ZNF208: variants seen among roughly 807,000 people sequenced by gnomAD.
The protein encoded by ZNF208 is zinc finger protein 208, also known as zinc finger protein 95.
ZNF208 carries 10 observed loss-of-function variants against 12.1 expected under a neutral mutation model. The ratio of observed to expected loss-of-function variants is 0.83; its 90% CI spans 0.51 to 1.40. ZNF208 has a LOEUF of 1.40. Ranked by LOEUF, ZNF208 falls within the 40% of genes most tolerant of loss-of-function variation. The pLI is 0.00. For missense variants in ZNF208, 1,652 were observed against 1,485.0 expected (o/e 1.11, Z -1.85); for synonymous variants, 497 against 488.4 (o/e 1.02, Z -0.23).
At chr19:21,981,918 G>A (rs1414387575) in intron 3 of ZNF208, among the ~76,000 whole-genome samples, 2 of 152,008 alleles carry the variant, frequency 1.3e-5, no homozygotes, top group Non-Finnish European at 2.9e-5. Flanking sequence ...ACCAATAATA[G>A]CCAAATCATG....
chr19:22,008,948 CAT>C (rs1298230475), intron 1 of ZNF208, among the ~76,000 whole-genome samples: 3 of 152,078 alleles, frequency 2.0e-5, no homozygotes, highest in Non-Finnish European at 2.9e-5. Context: ...CTCTCGCAGA[CAT>C]AGCCATGGCG....
intron 4 of ZNF208, among the ~76,000 whole-genome samples, chr19:21,954,794 C>T (rs1445025769): frequency 6.6e-6 from 1 of 152,098 alleles, no homozygotes; most frequent in East Asian, 1.9e-4. Context: ...ATCCAATTTG[C>T]CAGTCTGTGT....
In ZNF208 at chr19:21,972,249, A is replaced by G. The variant is rs1970305822; in HGVS notation, c.2785T>C (p.Leu929=). ...TTCTTATGTTTACTAAAGACTGACA[A>G]CCAGCTGAAGGCTTTGCCACATTCT... is the stretch of plus-strand genomic sequence containing the variant. ...CEECGKAFSW[L]SVFSKHKKTH... is the part of the protein sequence containing the mutation. Residue 929 remains leucine (L), a synonymous_variant, in exon 4 of 4, where the codon TTG becomes CTG. Transcript: ENST00000397126. 3.1e-6 allele frequency: 5 copies of G among 1,610,884 alleles called. 1 individual carries two copies. The highest frequency in any genetic ancestry group is 1.7e-4 in the Middle Eastern group (1 of 6,044).
intron 1 of ZNF208, among the ~76,000 whole-genome samples, chr19:22,010,078 G>A (rs1344301272): frequency 1.3e-5 from 2 of 151,878 alleles, no homozygotes; most frequent in South Asian, 2.1e-4. Flanking sequence ...CCAGCTACTC[G>A]GAAGGCTGAG....
At chr19:21,963,733 T>C (rs1312728591), downstream of ZNF208, among the ~76,000 whole-genome samples, 1 of 152,036 alleles carries the variant, frequency 6.6e-6, no homozygotes, top group African/African-American at 2.4e-5. Flanking sequence ...AAAAAATAAG[T>C]CTTCTCTTAA....
Position 21,957,978 on chromosome 19 carries a change from C to T in ZNF208, c.305+16751G>A, listed in dbSNP as rs568237921. ...TTAGGTATATCTCCTAAAGCTATTC[C>T]TCCCCCTTCCCACCACCCCATAACA... is the stretch of plus-strand genomic sequence containing the variant. On this transcript the variant is annotated intron_variant, in intron 4 of 4. Coordinates refer to the ZNF208 transcript ENST00000599916. 1.1e-3 allele frequency among the ~76,000 whole-genome samples: 166 copies of T among 152,092 alleles called. 1 individual carries two copies. Among genetic ancestry groups the T allele is most frequent in the African/African-American group, 3.7e-3 (152 of 41,488 alleles).
chr19:21,977,392 C>T, intron 3 of ZNF208, among the ~76,000 whole-genome samples: 1 of 152,168 alleles, frequency 6.6e-6, no homozygotes, highest in Admixed American at 6.5e-5. Flanking sequence ...CATCTCATTC[C>T]AACTGGTTGA....
chr19:21,954,978 C>T (rs1969949191), intron 4 of ZNF208, among the ~76,000 whole-genome samples: 3 of 152,124 alleles, frequency 2.0e-5, no homozygotes, highest in Admixed American at 2.0e-4. Flanking sequence ...ACCAGCTGTT[C>T]CTTTTTATGT....
rs190657455 is a variant in ZNF208, at chr19:21,957,360, A to C, written c.305+17369T>G. On this transcript the variant is annotated intron_variant, in intron 4 of 4. Coordinates refer to the ZNF208 transcript ENST00000599916. ...GCTGAAAAATCCATTTTCTTATGCA[A>C]TGAAATACAACAGAAAAACGCTAGT... is the stretch of plus-strand genomic sequence containing the variant. Among the ~76,000 whole-genome samples the C allele has an allele frequency of 7.0e-4, 106 of 152,326 alleles. 5 individuals are homozygous for C. The highest frequency in any genetic ancestry group is 6.6e-3 in the East Asian group (34 of 5,174).
rs1210244456 is a variant in ZNF208, at chr19:21,989,289, C to T, written c.4-380G>A. On this transcript the variant is annotated intron_variant, in intron 1 of 3. Transcript: ENST00000397126. ...ACTGTGATGTTCCCCTTCCGGTGTC[C>T]ATGTGTTCTCATTGTTCAATTCCCA... Among the ~76,000 whole-genome samples the T allele has an allele frequency of 2.1e-5, 3 of 140,434 alleles. No homozygotes were observed. The Admixed American group carries it at 2.3e-4, about 11-fold the overall frequency. 92.1% of individuals were successfully genotyped at this position (140,434 alleles called of 152,430 possible). A position where few individuals can be genotyped will look rare whatever the true frequency, so the allele number is the denominator to read the frequency against.
At chr19:21,981,853 C>T (rs888905202) in intron 3 of ZNF208, among the ~76,000 whole-genome samples, 25 of 152,176 alleles carry the variant, frequency 1.6e-4, no homozygotes, top group African/African-American at 5.3e-4. Context: ...TAAGCAACTT[C>T]AGCAAAGTCT....
intron 4 of ZNF208, among the ~76,000 whole-genome samples, chr19:21,955,983 C>T (rs1295250845): frequency 6.6e-6 from 1 of 152,152 alleles, no homozygotes; most frequent in Admixed American, 6.5e-5. Flanking sequence ...TACCTTTGGT[C>T]TTTGATGATG....
At chr19:22,008,302 C>CAAAAAAAAAA (rs71180503) in intron 1 of ZNF208, among the ~76,000 whole-genome samples, 1 of 98,936 alleles carries the variant, frequency 1.0e-5, no homozygotes, top group East Asian at 2.9e-4. Context: ...GACTCTATCT[C>CAAAAAAAAAA]AAAAAAAAAA....
intron 3 of ZNF208, among the ~76,000 whole-genome samples, chr19:21,975,356 T>C (rs1442650336): frequency 6.6e-6 from 1 of 152,184 alleles, no homozygotes; most frequent in Non-Finnish European, 1.5e-5. Context: ...AGCAGAGCAC[T>C]GCAGTCCTGC....
downstream of ZNF208, among the ~76,000 whole-genome samples, chr19:21,962,965 CATCTACGGTTAT>C (rs1970101347): frequency 6.6e-6 from 1 of 152,028 alleles, no homozygotes; most frequent in South Asian, 2.1e-4. Context: ...ATAATAGTCT[CATCTACGGTTAT>C]AAAACATCAA....
At position 21,972,765 on chromosome 19, in the gene ZNF208, C is replaced by T. The variant is rs917833635; in HGVS notation, c.2269G>A (p.Ala757Thr). 3 of 1,610,974 alleles carry T rather than the reference C, an allele frequency of 1.9e-6. No individual in the cohort carries two copies. The highest frequency in any genetic ancestry group is 2.7e-5 in the African/African-American group (2 of 74,668). ...KPYKCEECGK[A>T]YKWSSTLSYH... The stretch of plus-strand genomic sequence containing the variant: ...CTAAGGGTTGAGGACCACTTATAGG[C>T]TTTGCCACATTCTTCACATTTGTAG... Residue 757 changes from alanine to threonine, a missense_variant, in exon 4 of 4, where the codon GCC (alanine) becomes ACC (threonine). Physicochemically the swap from Ala to Thr is moderately conservative, Grantham distance 58. Transcript: ENST00000397126.
chr19:21,958,991 A>G (rs1014281016), intron 4 of ZNF208, among the ~76,000 whole-genome samples: 2 of 152,044 alleles, frequency 1.3e-5, no homozygotes, highest in Non-Finnish European at 2.9e-5. Flanking sequence ...CTGAGGCATG[A>G]GAATTGCTTG....
At chr19:22,002,644 G>T (rs1970972584) in intron 1 of ZNF208, among the ~76,000 whole-genome samples, 1 of 151,870 alleles carries the variant, frequency 6.6e-6, no homozygotes, top group Middle Eastern at 3.2e-3. Context: ...AACCAGAAAG[G>T]TAAAAGATCT....
At chr19:21,955,463 A>G (rs140726533) in intron 4 of ZNF208, among the ~76,000 whole-genome samples, 1,745 of 152,302 alleles carry the variant, frequency 0.011, 34 homozygotes, top group African/African-American at 0.04. Flanking sequence ...TTTCAGGTAC[A>G]CCAATCAGAC....
Sources: gnomAD v4.1 joint callset for allele counts (sites outside exome capture counted in the v4.1 genomes callset) on GRCh38, gnomAD v4.1.1 for gene constraint, MANE v1.5 for transcripts, NCBI Gene and HGNC (gene_info 2026-07-23, HGNC 2026-07-21) for gene names.